TLL1: variants seen among roughly 807,000 people sequenced by gnomAD.
TLL1 encodes the protein tolloid like 1.
Under a neutral mutation model 128.2 loss-of-function variants are expected in TLL1, and 49 were observed. The ratio of observed to expected loss-of-function variants is 0.38; its 90% CI spans 0.30 to 0.48. TLL1 has a LOEUF of 0.48. Among genes scored for constraint, TLL1 ranks in the 20% least tolerant of loss-of-function variants. The pLI is 0.96. For synonymous variants in TLL1, 454 were observed against 418.8 expected (o/e 1.08, Z -1.03); for missense variants, 1,123 against 1,242.0 (o/e 0.90, Z 1.44).
intron 8 of TLL1, among the ~76,000 whole-genome samples, chr4:166,022,225 T>C (rs1738275085): frequency 6.6e-6 from 1 of 151,780 alleles, no homozygotes. Context: ...AGTGCAGTGA[T>C]GCAATATGGG....
intron 9 of TLL1, among the ~76,000 whole-genome samples, chr4:166,027,013 A>C (rs997920088): frequency 6.6e-6 from 1 of 152,170 alleles, no homozygotes; most frequent in Non-Finnish European, 1.5e-5. Flanking sequence ...GGTGGATGGG[A>C]TAAAGAAAAT....
chr4:165,996,337 G>A (rs1240580767), intron 5 of TLL1, among the ~76,000 whole-genome samples: 2 of 152,150 alleles, frequency 1.3e-5, no homozygotes, highest in African/African-American at 4.8e-5. Context: ...AGCCGGGCAC[G>A]GTGGCTCACG....
Position 166,014,270 on chromosome 4 carries a change from T to TC in TLL1, c.918-165dup, listed in dbSNP as rs1198648626. On this transcript the variant is annotated intron_variant, in intron 7 of 20. Transcript: ENST00000061240. ...CATACACATTTAACATGCTTTTTTT[T>TC]CTACTTTGATGAAAGTGTTTTGAAA... Among the ~76,000 whole-genome samples, 9 of 152,100 alleles carry TC rather than the reference T, an allele frequency of 5.9e-5. No individual in the cohort carries two copies. The East Asian group carries it at 9.7e-4, about 16-fold the overall frequency.
chr4:165,923,600 A>AT (rs1327664780), intron 1 of TLL1, among the ~76,000 whole-genome samples: 6 of 149,970 alleles, frequency 4.0e-5, no homozygotes, highest in Non-Finnish European at 8.9e-5. Flanking sequence ...CGCTCCACTA[A>AT]TTTTTTTTGT....
At chr4:166,079,061 C>G (rs1441133745) in intron 18 of TLL1, among the ~76,000 whole-genome samples, 1 of 152,032 alleles carries the variant, frequency 6.6e-6, no homozygotes, top group Non-Finnish European at 1.5e-5. Flanking sequence ...AGTGACTTCC[C>G]AGACAGAGTT....
At chr4:165,973,433 A>T (rs1043637450) in intron 1 of TLL1, among the ~76,000 whole-genome samples, 4 of 151,904 alleles carry the variant, frequency 2.6e-5, no homozygotes, top group Admixed American at 6.6e-5. Context: ...CGAGTCCTTG[A>T]GTATTCTCTG....
intron 13 of TLL1, 24 bp downstream of exon 13, chr4:166,055,295 G>A (rs762623483): frequency 3.2e-5 from 51 of 1,598,910 alleles, no homozygotes; most frequent in Admixed American, 6.7e-5. Flanking sequence ...ATTTTCAAAC[G>A]TGAGATTTTC....
chr4:166,060,501 A>G (rs1400002593), intron 15 of TLL1, among the ~76,000 whole-genome samples: 1 of 152,184 alleles, frequency 6.6e-6, no homozygotes, highest in African/African-American at 2.4e-5. Context: ...ACTTCTAGAA[A>G]AAAATAAACC....
intron 1 of TLL1, among the ~76,000 whole-genome samples, chr4:165,984,290 T>A (rs1220675486): frequency 6.6e-6 from 1 of 151,956 alleles, no homozygotes; most frequent in Non-Finnish European, 1.5e-5. Flanking sequence ...GTGATAACTT[T>A]GTGTGTCATG....
chr4:165,893,012 G>A (rs1181964466), intron 1 of TLL1, among the ~76,000 whole-genome samples: 1 of 152,146 alleles, frequency 6.6e-6, no homozygotes, highest in Non-Finnish European at 1.5e-5. Context: ...ATGTAAGTCA[G>A]CACTGACCAT....
At chr4:165,988,660 G>C (rs544951681) in intron 1 of TLL1, among the ~76,000 whole-genome samples, 10 of 151,906 alleles carry the variant, frequency 6.6e-5, no homozygotes, top group Admixed American at 2.0e-4. Flanking sequence ...TAATAATAGA[G>C]TCAGAGTGTT....
intron 1 of TLL1, among the ~76,000 whole-genome samples, chr4:165,969,348 T>A (rs561398223): frequency 6.6e-6 from 1 of 152,258 alleles, no homozygotes; most frequent in East Asian, 1.9e-4. Context: ...AATGTAGTTT[T>A]ACCTTTATAT....
At chr4:165,979,388 T>A (rs1355771556) in intron 1 of TLL1, among the ~76,000 whole-genome samples, 2 of 152,058 alleles carry the variant, frequency 1.3e-5, no homozygotes, top group Admixed American at 6.6e-5. Context: ...TATTAAATAT[T>A]ATGCAAAATC....
chr4:166,073,437 C>T (rs1740879907), intron 16 of TLL1, among the ~76,000 whole-genome samples: 1 of 152,008 alleles, frequency 6.6e-6, no homozygotes, highest in Admixed American at 6.6e-5. Flanking sequence ...CTGATTTTTT[C>T]TACATTTCGG....
chr4:166,094,181 A>G (rs2133015), intron 19 of TLL1, among the ~76,000 whole-genome samples: 98,506 of 152,018 alleles, frequency 0.65, 32,315 homozygotes, highest in Middle Eastern at 0.84. Flanking sequence ...AAAGAACTGT[A>G]TGACATAGAT....
chr4:166,059,730 T>G (rs371694290), intron 14 of TLL1, among the ~76,000 whole-genome samples: 1 of 152,060 alleles, frequency 6.6e-6, no homozygotes, highest in African/African-American at 2.4e-5. Context: ...ATAAGAAAAC[T>G]GAGACCTAGA....
chr4:166,053,659 C>T (rs547589248), intron 12 of TLL1, among the ~76,000 whole-genome samples: 16 of 152,248 alleles, frequency 1.1e-4, no homozygotes, highest in Admixed American at 9.8e-4. Context: ...TATTTTTCTA[C>T]CAACTATACT....
chr4:166,082,756 C>G (rs1489941360), intron 18 of TLL1, among the ~76,000 whole-genome samples: 2 of 152,122 alleles, frequency 1.3e-5, no homozygotes, highest in African/African-American at 4.8e-5. Flanking sequence ...CAGCTCACTG[C>G]AACCTCTAAC....
At chr4:166,080,123 C>G (rs1310132931) in intron 18 of TLL1, among the ~76,000 whole-genome samples, 2 of 152,088 alleles carry the variant, frequency 1.3e-5, no homozygotes, top group South Asian at 4.1e-4. Context: ...TTAAGTTGGA[C>G]TTAACAAGGG....
Sources: gnomAD v4.1 joint callset for allele counts (sites outside exome capture counted in the v4.1 genomes callset) on GRCh38, gnomAD v4.1.1 for gene constraint, MANE v1.5 for transcripts, NCBI Gene and HGNC (gene_info 2026-07-23, HGNC 2026-07-21) for gene names.